HBS1L: variants seen among roughly 807,000 people sequenced by gnomAD.
HBS1L encodes HBS1-like protein.
Under a neutral mutation model 88.9 loss-of-function variants are expected in HBS1L, and 55 were observed. The ratio of observed to expected loss-of-function variants is 0.62; its 90% CI spans 0.50 to 0.77. The LOEUF (loss-of-function observed/expected upper bound fraction) is 0.77, where lower values mean the gene tolerates loss of function less well. Among genes scored for constraint, HBS1L ranks in the 30% least tolerant of loss-of-function variants. The pLI is 0.00. For synonymous variants in HBS1L, 267 were observed against 288.5 expected (o/e 0.93, Z 0.76); for missense variants, 741 against 829.3 (o/e 0.89, Z 1.31).
intron 4 of HBS1L, among the ~76,000 whole-genome samples, chr6:135,033,791 A>C (rs935388639): frequency 2.0e-5 from 3 of 152,110 alleles, no homozygotes; most frequent in African/African-American, 7.2e-5. Context: ...TGTAGATTAC[A>C]TAAGTATTTG....
intron 15 of HBS1L, among the ~76,000 whole-genome samples, chr6:134,970,130 A>C (rs958848386): frequency 1.3e-5 from 2 of 152,004 alleles, no homozygotes; most frequent in African/African-American, 4.8e-5. Context: ...ACTTTGGGGC[A>C]AGTTATTTTT....
chr6:134,975,035 C>T (rs571986010), intron 15 of HBS1L, among the ~76,000 whole-genome samples: 1 of 152,132 alleles, frequency 6.6e-6, no homozygotes, highest in Non-Finnish European at 1.5e-5. Context: ...CCAAACAACA[C>T]CTAGATTTGA....
chr6:135,025,967 G>A (rs945218971), intron 4 of HBS1L, among the ~76,000 whole-genome samples: 1 of 152,170 alleles, frequency 6.6e-6, no homozygotes, highest in Non-Finnish European at 1.5e-5. Flanking sequence ...CCGCACTGGA[G>A]GTGGCAGAAT....
At chr6:134,965,532 G>T (rs1472524331) in intron 17 of HBS1L, among the ~76,000 whole-genome samples, 2 of 152,174 alleles carry the variant, frequency 1.3e-5, no homozygotes, top group African/African-American at 2.4e-5. Context: ...TGCCTTGATA[G>T]ATTAAATGTG....
At chr6:135,050,354 A>C (rs1046972320) in intron 2 of HBS1L, among the ~76,000 whole-genome samples, 8 of 152,230 alleles carry the variant, frequency 5.3e-5, no homozygotes, top group African/African-American at 1.7e-4. Flanking sequence ...ATGGTGGAAA[A>C]GAAGCCACAG....
chr6:134,993,905 T>C, intron 7 of HBS1L, 30 bp from the exon 8 acceptor site: 1 of 1,096,010 alleles, frequency 9.1e-7, no homozygotes, highest in Non-Finnish European at 1.4e-6. Flanking sequence ...GGTTAGAATG[T>C]ACGATATAAA....
rs976739885 is a variant in HBS1L at position 134,966,385 on chromosome 6, C to T, written c.1987G>A (p.Gly663Arg). 1.9e-6 allele frequency: 3 copies of T among 1,613,116 alleles called. No homozygotes were observed. Among genetic ancestry groups the T allele is most frequent in the Non-Finnish European group, 2.5e-6 (3 of 1,179,428 alleles). The part of the protein sequence containing the change: ...LELYKDFKEL[G>R]RFMLRYGGST... ...CCACCGTAACGTAGCATGAACCTCC[C>T]CAGCTCTTTAAAGTCTTTATATAGC... The change falls in exon 17 of 18, where the codon GGG (glycine) becomes AGG (arginine). Residue 663 changes from glycine (G) to arginine (R), a missense_variant. Physicochemically the swap from Gly to Arg is moderately radical, Grantham distance 125. Transcript: ENST00000367837.
Position 134,960,458 on chromosome 6 carries a change from C to G in HBS1L, c.*4821G>C, listed in dbSNP as rs1231289129. On this transcript the variant is annotated 3_prime_UTR_variant, in exon 18 of 18. Coordinates refer to ENST00000367837, the MANE Select transcript of HBS1L (RefSeq NM_006620.4). ...ATAAGGCAGAGCTATGAGAATTCCTCAATAATTGTAACTATGCCCTTTAAT... is the reference window on the plus strand; with the variant it reads ...ATAAGGCAGAGCTATGAGAATTCCTGAATAATTGTAACTATGCCCTTTAAT... The G allele has an allele frequency of 6.6e-6, 1 of 152,020 alleles. No homozygotes were observed. The highest frequency in any genetic ancestry group is 1.5e-5 in the Non-Finnish European group (1 of 67,928). 9.4% of individuals were successfully genotyped at this position (152,020 alleles called of 1,614,324 possible). A position where few individuals can be genotyped will look rare whatever the true frequency, so the allele number is the denominator to read the frequency against.
At chr6:135,011,542 T>C (rs1454668255) in intron 4 of HBS1L, among the ~76,000 whole-genome samples, 1 of 151,994 alleles carries the variant, frequency 6.6e-6, no homozygotes, top group African/African-American at 2.4e-5. Flanking sequence ...TCTCCCTGAT[T>C]AAAGATACCA....
At chr6:135,051,556 C>T (rs1369475267) in intron 1 of HBS1L, among the ~76,000 whole-genome samples, 1 of 152,144 alleles carries the variant, frequency 6.6e-6, no homozygotes, top group Admixed American at 6.5e-5. Context: ...AATGTCTCCT[C>T]TTTGCACAAG....
At chr6:135,037,588 T>G in intron 4 of HBS1L, 2 of 1,547,894 alleles carry the variant, frequency 1.3e-6, no homozygotes, top group Non-Finnish European at 1.7e-6. Context: ...TGTTGTGCCC[T>G]TTATGATTAT....
At chr6:134,998,694 G>C (rs1775359084) in intron 5 of HBS1L, among the ~76,000 whole-genome samples, 1 of 152,150 alleles carries the variant, frequency 6.6e-6, no homozygotes, top group Non-Finnish European at 1.5e-5. Flanking sequence ...AAATACATTG[G>C]TTTTTCCCTG....
At chr6:135,018,911 C>T (rs1449108695) in intron 4 of HBS1L, among the ~76,000 whole-genome samples, 1 of 151,862 alleles carries the variant, frequency 6.6e-6, no homozygotes, top group Non-Finnish European at 1.5e-5. Flanking sequence ...TCTACCCTTG[C>T]GTCCCTCCCT....
chr6:134,970,573 A>G (rs189245869), intron 15 of HBS1L, among the ~76,000 whole-genome samples: 1 of 152,350 alleles, frequency 6.6e-6, no homozygotes, highest in East Asian at 1.9e-4. Context: ...GGCCTTATAT[A>G]TTAGCTATTA....
Position 135,018,578 on chromosome 6 carries a change from A to C in HBS1L, c.431-15736T>G, listed in dbSNP as rs1242040584. 2.0e-5 allele frequency among the ~76,000 whole-genome samples: 3 copies of C among 152,014 alleles called. No individual in the cohort carries two copies. The East Asian group carries it at 5.8e-4, about 29-fold the overall frequency. ...AATCTAATACATGCAATGAATTTAAATTATCATATTATGACCATTCTATAG... is the reference window on the plus strand; with the variant it reads ...AATCTAATACATGCAATGAATTTAACTTATCATATTATGACCATTCTATAG... On this transcript the variant is annotated intron_variant, in intron 4 of 17. Transcript: ENST00000367837.
intron 13 of HBS1L, chr6:134,979,489 T>C (rs1774756972): frequency 2.2e-6 from 1 of 453,312 alleles, no homozygotes. Flanking sequence ...TGACTTGTAT[T>C]TGCCCATAAA....
At chr6:135,051,078 T>G (rs1777067021) in intron 1 of HBS1L, among the ~76,000 whole-genome samples, 1 of 151,904 alleles carries the variant, frequency 6.6e-6, no homozygotes, top group South Asian at 2.1e-4. Context: ...ATACAAAAAT[T>G]AGCTAGACAT....
Position 134,987,779 on chromosome 6 carries a change from C to T in HBS1L, c.1096G>A (p.Val366Ile). The change falls in exon 9 of 18, where the codon GTT (valine) becomes ATT (isoleucine). Residue 366 changes from valine (V) to isoleucine (I), a missense_variant. Val to Ile is a conservative substitution (Grantham distance 29, BLOSUM62 3). Transcript: ENST00000367837. ...CCCCTGCTGGCATCTACAACTAAAA[C>T]AGCTACATCCGCCTAAAGAAGAAAA... ...ITGAAQADVA[V>I]LVVDASRGEF... 6.3e-7 allele frequency: 1 copy of T among 1,586,996 alleles called. No individual in the cohort carries two copies. Among genetic ancestry groups the T allele is most frequent in the Non-Finnish European group, 8.6e-7 (1 of 1,168,912 alleles).
At chr6:134,975,629 A>G (rs779233139) in intron 15 of HBS1L, among the ~76,000 whole-genome samples, 13 of 152,204 alleles carry the variant, frequency 8.5e-5, no homozygotes, top group Non-Finnish European at 1.8e-4. Context: ...CTAATCTTTG[A>G]CAAGGCATGC....
Sources: gnomAD v4.1 joint callset for allele counts (sites outside exome capture counted in the v4.1 genomes callset) on GRCh38, gnomAD v4.1.1 for gene constraint, MANE v1.5 for transcripts, NCBI Gene and HGNC (gene_info 2026-07-23, HGNC 2026-07-21) for gene names.